The following NFIC variants were observed in gnomAD, a reference collection of about 807,000 sequenced individuals.
NFIC encodes nuclear factor 1 C-type.
A neutral mutation model predicts 54.4 loss-of-function variants in NFIC; 12 were observed. The ratio of observed to expected loss-of-function variants is 0.22; its 90% CI spans 0.14 to 0.36. The LOEUF is 0.36. NFIC is among the 10% of genes least tolerant of loss of function. NFIC has a pLI of 1.00. For synonymous variants in NFIC, 322 were observed against 319.2 expected (o/e 1.01, Z -0.09); for missense variants, 575 against 718.2 (o/e 0.80, Z 2.28).
Position 3,452,627 on chromosome 19 carries a change from C to T in NFIC, c.1230C>T (p.Val410=). 1 of 1,612,890 alleles carries T rather than the reference C, an allele frequency of 6.2e-7. No individual in the cohort carries two copies. The highest frequency in any genetic ancestry group is 8.5e-7 in the Non-Finnish European group (1 of 1,179,624). ...CCCAGGACCCGCTCAAAGATCTTGT[C>T]TCGCTGGCCTGCGACCCAGCCAGCC... ...LNPQDPLKDL[V]SLACDPASQQ... Residue 410 remains valine (V), a synonymous_variant, in exon 8 of 11, where the codon GTC becomes GTT. Coordinates refer to ENST00000443272, the MANE Select transcript of NFIC (RefSeq NM_001245002.2). This position sits in a 1 kb window ranked among gnomAD's most constrained non-coding sequence, Gnocchi z 5.3.
chr19:3,408,620 T>A (rs2081696231), intron 2 of NFIC, among the ~76,000 whole-genome samples: 1 of 152,052 alleles, frequency 6.6e-6, no homozygotes, highest in South Asian at 2.1e-4. Flanking sequence ...CTAATTTTTA[T>A]TTTATTTTAT....
rs2080963765 is a variant in NFIC, at chr19:3,369,645, T to C, written c.30+2979T>C. The stretch of plus-strand genomic sequence containing the variant: ...CCGGGCTCAGCGGTGACTCAAGCGC[T>C]TTTTCACTTTTACTCTTAAGAGGAA... On this transcript the variant is annotated intron_variant, in intron 1 of 10. Coordinates refer to ENST00000443272, the MANE Select transcript of NFIC (RefSeq NM_001245002.2). The surrounding 1 kb of genome is among the most constrained non-coding windows in gnomAD (Gnocchi z 4.3). Among the ~76,000 whole-genome samples the C allele has an allele frequency of 6.6e-6, 1 of 151,902 alleles. No homozygotes were observed. Among genetic ancestry groups the C allele is most frequent in the Non-Finnish European group, 1.5e-5 (1 of 67,940 alleles).
In NFIC at chr19:3,450,440, G is replaced by A. The variant is rs879830721; in HGVS notation, c.1084+1301G>A. ...GGAGGCCGAGGCAGGCGGATCACCTGAGGTCAGGAGTTCAAGACCAGCCTG... is the reference window on the plus strand; with the variant it reads ...GGAGGCCGAGGCAGGCGGATCACCTAAGGTCAGGAGTTCAAGACCAGCCTG... On this transcript the variant is annotated intron_variant, in intron 7 of 10. Transcript: ENST00000443272. 2.6e-5 allele frequency among the ~76,000 whole-genome samples: 4 copies of A among 151,814 alleles called. No homozygotes were observed. The East Asian group carries it at 7.8e-4, about 30-fold the overall frequency.
intron 3 of NFIC, among the ~76,000 whole-genome samples, chr19:3,431,991 G>A (rs568673714): frequency 6.6e-5 from 10 of 152,152 alleles, no homozygotes; most frequent in Non-Finnish European, 1.2e-4. Flanking sequence ...ACTGGACTTT[G>A]AGTCTCACAG....
At chr19:3,421,999 C>T (rs974726028) in intron 2 of NFIC, among the ~76,000 whole-genome samples, 6 of 152,058 alleles carry the variant, frequency 3.9e-5, no homozygotes, top group African/African-American at 7.2e-5. Context: ...AATAATGGCG[C>T]GATCTTGGCT....
rs753717323 is a variant in NFIC at position 3,452,040 on chromosome 19, G to C, written c.1085-442G>C. Reference sequence around the variant, plus strand: ...GCTGAGGCAGAATTGCTTGAACCCAGGAGGTGGAGGTTGCAGTGAGCTGAG... The same window carrying C: ...GCTGAGGCAGAATTGCTTGAACCCACGAGGTGGAGGTTGCAGTGAGCTGAG... On this transcript the variant is annotated intron_variant, in intron 7 of 10. Transcript: ENST00000443272. The surrounding 1 kb of genome is among the most constrained non-coding windows in gnomAD (Gnocchi z 5.3). 4.6e-5 allele frequency among the ~76,000 whole-genome samples: 7 copies of C among 150,810 alleles called. No homozygotes were observed. Among genetic ancestry groups the C allele is most frequent in the Non-Finnish European group, 8.8e-5 (6 of 67,812 alleles).
intron 6 of NFIC, among the ~76,000 whole-genome samples, chr19:3,437,354 C>T (rs1323000830): frequency 5.4e-5 from 8 of 149,446 alleles, no homozygotes; most frequent in African/African-American, 1.7e-4. Context: ...GGTGACAGAG[C>T]GAGACTCCGT....
chr19:3,388,455 G>A (rs2081331565), intron 2 of NFIC, among the ~76,000 whole-genome samples: 1 of 152,156 alleles, frequency 6.6e-6, no homozygotes, highest in African/African-American at 2.4e-5. Context: ...CAGAGGTTTG[G>A]ACAAGAGTCA....
chr19:3,363,228 T>TGTGTGTGTGTGTGC (rs1420040180), upstream of NFIC, among the ~76,000 whole-genome samples: 66 of 61,842 alleles, frequency 1.1e-3, no homozygotes, highest in African/African-American at 4.3e-3. Flanking sequence ...TGTATATGTA[T>TGTGTGTGTGTGTGC]GTGTATGTGT....
At chr19:3,366,967 C>G (rs192180936) in intron 1 of NFIC, among the ~76,000 whole-genome samples, 5,151 of 150,696 alleles carry the variant, frequency 0.034, 136 homozygotes, top group South Asian at 0.052. Flanking sequence ...CGTCCCCCCC[C>G]CACACACCGA....
chr19:3,427,900 G>T (rs1434220657), intron 3 of NFIC, among the ~76,000 whole-genome samples: 1 of 147,078 alleles, frequency 6.8e-6, no homozygotes, highest in African/African-American at 2.5e-5. Flanking sequence ...CCGGGTGCGG[G>T]GGCTTACGCC....
chr19:3,464,385 G>T lies in NFIC; in HGVS notation c.*1616G>T. On this transcript the variant is annotated 3_prime_UTR_variant, in exon 11 of 11. Coordinates refer to ENST00000443272, the MANE Select transcript of NFIC (RefSeq NM_001245002.2). ...GCTCCAAAAACACTAAGCTGGGGACGCCAGGTGCCCCCCCACCCCGGCTCC... is the reference window on the plus strand; with the variant it reads ...GCTCCAAAAACACTAAGCTGGGGACTCCAGGTGCCCCCCCACCCCGGCTCC... 1 of 984,926 alleles carries T rather than the reference G, an allele frequency of 1.0e-6. No homozygotes were observed. The highest frequency in any genetic ancestry group is 1.2e-6 in the Non-Finnish European group (1 of 829,686). The allele number at this position is 984,926 out of a possible 1,614,324, so 61.0% of individuals were successfully genotyped here. A position where few individuals can be genotyped will look rare whatever the true frequency, so the allele number is the denominator to read the frequency against.
At chr19:3,424,308 G>A (rs1047936169) in intron 2 of NFIC, among the ~76,000 whole-genome samples, 1 of 151,968 alleles carries the variant, frequency 6.6e-6, no homozygotes, top group African/African-American at 2.4e-5. Flanking sequence ...GATTACAGGT[G>A]TGAGCCACCG....
chr19:3,396,592 C>G (rs2081468382), intron 2 of NFIC, among the ~76,000 whole-genome samples: 1 of 152,128 alleles, frequency 6.6e-6, no homozygotes, highest in Non-Finnish European at 1.5e-5. Context: ...GTGAACAGAG[C>G]TATGTGAGAA....
At chr19:3,388,558 C>T (rs1219987061) in intron 2 of NFIC, among the ~76,000 whole-genome samples, 1 of 152,156 alleles carries the variant, frequency 6.6e-6, no homozygotes, top group East Asian at 1.9e-4. Context: ...CGAGGTGGCT[C>T]CTGCCTGTAA....
rs556917140 is a variant in NFIC at position 3,384,241 on chromosome 19, T to TA, written c.562+1998_562+1999insA. Among the ~76,000 whole-genome samples, 6 of 151,194 alleles carry TA rather than the reference T, an allele frequency of 4.0e-5. No homozygotes were observed. The East Asian group carries it at 7.8e-4, about 20-fold the overall frequency. ...AGCTAATATTTTATATATATATATA[T>TA]TTTTTTGTAGAGACAGGGTCTTGCT... On this transcript the variant is annotated intron_variant, in intron 2 of 10. Coordinates refer to ENST00000443272, the MANE Select transcript of NFIC (RefSeq NM_001245002.2).
chr19:3,447,198 C>CT (rs1297384800), intron 6 of NFIC, among the ~76,000 whole-genome samples: 1 of 150,956 alleles, frequency 6.6e-6, no homozygotes, highest in Non-Finnish European at 1.5e-5. Context: ...ACTCGGGAGG[C>CT]TGAGGCAGTA....
Position 3,372,059 on chromosome 19 carries a change from C to T in NFIC, c.30+5393C>T, listed in dbSNP as rs1259746762. On this transcript the variant is annotated intron_variant, in intron 1 of 10. Transcript: ENST00000443272. The stretch of plus-strand genomic sequence containing the variant: ...TCTCTCTCTCGGAGTCTTGCACTGT[C>T]GCCCAGGCTGGAGTGCAGTGGCGTG... Among the ~76,000 whole-genome samples, 11 of 147,374 alleles carry T rather than the reference C, an allele frequency of 7.5e-5. No homozygotes were observed. The East Asian group carries it at 2.2e-3, about 30-fold the overall frequency.
chr19:3,449,055 C>A lies in NFIC; in HGVS notation c.1000C>A (p.Pro334Thr). The change falls in exon 7 of 11, where the codon CCA becomes ACA. Residue 334 changes from proline to threonine, a missense_variant. Transcript: ENST00000443272. ...GAAGAAGACAGAGATGGACAAGTCA[C>A]CATTCAACAGCCCGTCCCCCCAGGA... Reference protein sequence around the residue: ...PVKKTEMDKSPFNSPSPQDSP... With the variant: ...PVKKTEMDKSTFNSPSPQDSP... 6.2e-7 allele frequency: 1 copy of A among 1,613,602 alleles called. No individual in the cohort carries two copies. Among genetic ancestry groups the A allele is most frequent in the Non-Finnish European group, 8.5e-7 (1 of 1,179,830 alleles).
Sources: gnomAD v4.1 joint callset for allele counts (sites outside exome capture counted in the v4.1 genomes callset) on GRCh38, gnomAD v4.1.1 for gene constraint, Gnocchi (gnomAD v3.1) non-coding constraint, MANE v1.5 for transcripts, NCBI Gene and HGNC (gene_info 2026-07-23, HGNC 2026-07-21) for gene names.